DACH2: variants seen among roughly 807,000 people sequenced by gnomAD.
DACH2 encodes dachshund homolog 2.
DACH2 carries 17 observed loss-of-function variants against 35.8 expected under a neutral mutation model. The observed-to-expected ratio is 0.48, with a 90% CI of 0.33 to 0.71. The LOEUF is 0.71. Ranked by LOEUF, DACH2 falls within the 30% of genes least tolerant of loss-of-function variation. The probability of loss-of-function intolerance (pLI) is 0.02; values close to 1 mark genes in which losing one functional copy is unlikely to be tolerated. For missense variants in DACH2, 469 were observed against 472.7 expected (o/e 0.99, Z 0.07); for synonymous variants, 195 against 177.3 (o/e 1.10, Z -0.79).
Position 86,734,601 on chromosome X carries a change from C to T in DACH2, c.1105-5146C>T, listed in dbSNP as rs181990138. On this transcript the variant is annotated intron_variant, in intron 6 of 11. Coordinates refer to ENST00000373125, the MANE Select transcript of DACH2 (RefSeq NM_053281.3). ...AAGTTTATGAAAACTTTGCTATATT[C>T]ATCACTGTTAATTTAAATTCAATGG... Among the ~76,000 whole-genome samples, 360 of 111,394 alleles carry T rather than the reference C, an allele frequency of 3.2e-3. 3 individuals carry two copies. Among genetic ancestry groups the T allele is most frequent in the African/African-American group, 0.011 (343 of 30,729 alleles).
intron 6 of DACH2, among the ~76,000 whole-genome samples, chrX:86,717,771 T>C (rs1453677538): frequency 4.8e-5 from 5 of 104,518 alleles, no homozygotes; most frequent in African/African-American, 1.7e-4. Flanking sequence ...TATACATATA[T>C]ATGAATACTA....
chrX:86,806,835 A>G (rs1191017338), intron 7 of DACH2, among the ~76,000 whole-genome samples: 3 of 111,912 alleles, frequency 2.7e-5, no homozygotes, highest in Admixed American at 1.9e-4. Flanking sequence ...AGATTTTCCT[A>G]TATGAAAAAT....
Position 86,563,129 on chromosome X carries a change from CTTT to C in DACH2, c.640+48747_640+48749del, listed in dbSNP as rs57289162. On this transcript the variant is annotated intron_variant, in intron 3 of 11. Transcript: ENST00000373125. ...TGTTCACCTTCTTTAGGGTAATTATCTTTTTTTTTTTCCTGAAATAGACAACAC... is the reference window on the plus strand; with the variant it reads ...TGTTCACCTTCTTTAGGGTAATTATCTTTTTTTTCCTGAAATAGACAACAC... Among the ~76,000 whole-genome samples the C allele has an allele frequency of 2.0e-4, 21 of 104,000 alleles. No homozygotes were observed. In the South Asian group the frequency reaches 7.1e-3, roughly 35 times the overall value. The allele number at this position is 104,000 out of a possible 115,157, so 90.3% of individuals were successfully genotyped here.
At chrX:86,512,177 T>C (rs1190737512) in intron 2 of DACH2, among the ~76,000 whole-genome samples, 1 of 111,634 alleles carries the variant, frequency 9.0e-6, no homozygotes, top group African/African-American at 3.3e-5. Flanking sequence ...TCACAATTAA[T>C]CATACCAACA....
At chrX:86,296,972 G>T (rs893482421) in intron 1 of DACH2, among the ~76,000 whole-genome samples, 29 of 105,716 alleles carry the variant, frequency 2.7e-4, no homozygotes, top group Non-Finnish European at 5.0e-4. Context: ...GCACATATAT[G>T]CAAACATACG....
intron 2 of DACH2, among the ~76,000 whole-genome samples, chrX:86,419,720 G>A (rs1367831630): frequency 9.0e-6 from 1 of 111,563 alleles, no homozygotes; most frequent in Non-Finnish European, 1.9e-5. Context: ...CTGTTGTGAG[G>A]GGATTATCTC....
intron 1 of DACH2, among the ~76,000 whole-genome samples, chrX:86,249,317 T>C (rs191798473): frequency 6.1e-4 from 68 of 111,088 alleles, no homozygotes; most frequent in African/African-American, 2.2e-3. Flanking sequence ...AACAAATGTC[T>C]CATATCCAGA....
chrX:86,213,503 T>G (rs940998124), intron 1 of DACH2, among the ~76,000 whole-genome samples: 1 of 111,381 alleles, frequency 9.0e-6, no homozygotes, highest in Non-Finnish European at 1.9e-5. Context: ...AAACTTAAAT[T>G]ATCTATTTTT....
intron 1 of DACH2, among the ~76,000 whole-genome samples, chrX:86,214,061 A>T (rs1448957030): frequency 2.7e-5 from 3 of 110,011 alleles, no homozygotes; most frequent in African/African-American, 9.9e-5. Flanking sequence ...TTTTTTCCGA[A>T]TTTTCCTCTT....
chrX:86,804,650 A>G (rs1414806294), intron 7 of DACH2, among the ~76,000 whole-genome samples: 1 of 112,085 alleles, frequency 8.9e-6, no homozygotes, highest in Non-Finnish European at 1.9e-5. Context: ...GACCCTGTAA[A>G]ACAAAAACAA....
chrX:86,274,241 A>G (rs1332425602), intron 1 of DACH2, among the ~76,000 whole-genome samples: 2 of 110,357 alleles, frequency 1.8e-5, no homozygotes, highest in Non-Finnish European at 3.8e-5. Context: ...AGAACTATGT[A>G]TTGTGTGTTT....
chrX:86,696,225 G>A (rs2041066492), intron 5 of DACH2, among the ~76,000 whole-genome samples: 1 of 111,436 alleles, frequency 9.0e-6, no homozygotes, highest in Admixed American at 9.6e-5. Flanking sequence ...TTAGGATGAA[G>A]GCAACAGAGG....
intron 1 of DACH2, among the ~76,000 whole-genome samples, chrX:86,191,288 T>A (rs1489171382): frequency 3.6e-5 from 4 of 112,178 alleles, no homozygotes; most frequent in African/African-American, 1.3e-4. Context: ...CATGGAATAC[T>A]ACACTGCCAT....
intron 2 of DACH2, among the ~76,000 whole-genome samples, chrX:86,475,588 C>G (rs1280041837): frequency 8.9e-6 from 1 of 111,874 alleles, no homozygotes; most frequent in African/African-American, 3.2e-5. Context: ...TTTTGGTGGA[C>G]TCTTTAGGTT....
At chrX:86,633,093 A>G (rs1468849912) in intron 3 of DACH2, among the ~76,000 whole-genome samples, 1 of 111,103 alleles carries the variant, frequency 9.0e-6, no homozygotes, top group Admixed American at 9.7e-5. Context: ...AACAAACAAA[A>G]CAAACAAAAA....
intron 2 of DACH2, among the ~76,000 whole-genome samples, chrX:86,513,205 G>C (rs924769679): frequency 1.8e-5 from 2 of 111,214 alleles, no homozygotes; most frequent in Admixed American, 9.6e-5. Context: ...GTCATTTTGG[G>C]GTATGTTCTC....
At chrX:86,751,367 C>A (rs2041770958) in intron 7 of DACH2, among the ~76,000 whole-genome samples, 1 of 110,461 alleles carries the variant, frequency 9.1e-6, no homozygotes, top group Non-Finnish European at 1.9e-5. Flanking sequence ...GAACTAAAGA[C>A]AAAAACCACA....
At chrX:86,422,706 A>C (rs1456000620) in intron 2 of DACH2, among the ~76,000 whole-genome samples, 1 of 111,167 alleles carries the variant, frequency 9.0e-6, no homozygotes, top group Non-Finnish European at 1.9e-5. Flanking sequence ...TTTAAAATGT[A>C]CAATAAGTTA....
At chrX:86,180,176 G>GTATATATATATATATATATAAATATA (rs2031435331) in intron 1 of DACH2, among the ~76,000 whole-genome samples, 1 of 42,930 alleles carries the variant, frequency 2.3e-5, no homozygotes, top group Non-Finnish European at 4.7e-5. Flanking sequence ...ATGCTAAACC[G>GTATATATATATATATATATAAATATA]TATATATATA....
Sources: gnomAD v4.1 joint callset for allele counts (sites outside exome capture counted in the v4.1 genomes callset) on GRCh38, gnomAD v4.1.1 for gene constraint, MANE v1.5 for transcripts, NCBI Gene and HGNC (gene_info 2026-07-23, HGNC 2026-07-21) for gene names.